ITGBL1: variants seen among roughly 807,000 people sequenced by gnomAD.
The protein encoded by ITGBL1 is integrin beta-like protein 1.
Under a neutral mutation model 68.5 loss-of-function variants are expected in ITGBL1, and 51 were observed. The ratio of observed to expected loss-of-function variants is 0.74; its 90% CI spans 0.59 to 0.94. The LOEUF is 0.94. ITGBL1 is among the 40% of genes least tolerant of loss of function. The probability of loss-of-function intolerance (pLI) is 0.00; values close to 1 mark genes in which losing one functional copy is unlikely to be tolerated. For missense variants in ITGBL1, 649 were observed against 647.4 expected (o/e 1.00, Z -0.03); for synonymous variants, 209 against 227.3 (o/e 0.92, Z 0.72).
intron 7 of ITGBL1, among the ~76,000 whole-genome samples, chr13:101,609,427 T>C (rs1268782567): frequency 1.3e-5 from 2 of 152,220 alleles, no homozygotes; most frequent in East Asian, 3.9e-4. Context: ...TTAAATCCAG[T>C]ATTAAATCTC....
chr13:101,604,887 T>TATATATATATACACACACAC, intron 7 of ITGBL1, among the ~76,000 whole-genome samples: 3 of 22,162 alleles, frequency 1.4e-4, no homozygotes, highest in Non-Finnish European at 1.6e-4. Context: ...TATATATATA[T>TATATATATATACACACACAC]ACACACACAC....
chr13:101,534,215 T>C (rs988293705), intron 2 of ITGBL1, among the ~76,000 whole-genome samples: 3 of 152,074 alleles, frequency 2.0e-5, no homozygotes, highest in Non-Finnish European at 1.5e-5. Flanking sequence ...GGGAGAACCA[T>C]TAATGGGTGG....
chr13:101,676,974 A>G (rs576272771), intron 7 of ITGBL1, among the ~76,000 whole-genome samples: 11 of 152,174 alleles, frequency 7.2e-5, no homozygotes, highest in African/African-American at 2.4e-4. Context: ...AAATATAAAA[A>G]TTAGCTGGGC....
At chr13:101,567,565 CCACTGCGATATA>C in intron 2 of ITGBL1, 122 bp from the exon 3 acceptor site, 1 of 671,866 alleles carries the variant, frequency 1.5e-6, no homozygotes, top group Non-Finnish European at 2.4e-6. Flanking sequence ...TACCCCTCAG[CCACTGCGATATA>C]CATGAGTTTC....
chr13:101,521,131 C>G (rs2049277486), intron 2 of ITGBL1, among the ~76,000 whole-genome samples: 2 of 152,140 alleles, frequency 1.3e-5, no homozygotes, highest in African/African-American at 4.8e-5. Context: ...AAGAACAGAA[C>G]TTTGCTAATG....
chr13:101,648,961 CATG>C (rs10541983), intron 7 of ITGBL1, among the ~76,000 whole-genome samples: 4,976 of 151,978 alleles, frequency 0.033, 296 homozygotes, highest in African/African-American at 0.11. Flanking sequence ...TCTGTATATG[CATG>C]ATAAGTGATA....
rs757763025 is a variant in ITGBL1 at position 101,579,432 on chromosome 13, G to A, written c.727+5G>A. The A allele has an allele frequency of 2.5e-6, 4 of 1,613,290 alleles. No individual in the cohort carries two copies. In the African/African-American group the frequency reaches 5.3e-5, roughly 22 times the overall value. ...GCAAAATCTGCAGTAACAGAGGTGT[G>A]TCATTCATACATGTTACTACATAAT... On this transcript the variant is annotated splice_donor_5th_base_variant and intron_variant, in intron 5 of 10. Coordinates refer to ENST00000376180, the MANE Select transcript of ITGBL1 (RefSeq NM_004791.3).
chr13:101,664,860 A>G (rs971433375), intron 7 of ITGBL1, among the ~76,000 whole-genome samples: 1 of 152,146 alleles, frequency 6.6e-6, no homozygotes, highest in Admixed American at 6.6e-5. Context: ...CAGCCTCCCC[A>G]GTAGCTGGGA....
intron 7 of ITGBL1, among the ~76,000 whole-genome samples, chr13:101,646,808 G>T (rs1469849): frequency 0.62 from 94,192 of 151,990 alleles, 29,937 homozygotes; most frequent in African/African-American, 0.76. Flanking sequence ...TCAAAGGACA[G>T]TGAAAGACAT....
chr13:101,504,666 G>A (rs1388931294), intron 2 of ITGBL1, among the ~76,000 whole-genome samples: 3 of 152,130 alleles, frequency 2.0e-5, no homozygotes, highest in African/African-American at 4.8e-5. Flanking sequence ...AGTCAGAAAC[G>A]TTGCATGAGT....
chr13:101,700,921 G>A (rs1246364629), intron 8 of ITGBL1, among the ~76,000 whole-genome samples: 2 of 151,968 alleles, frequency 1.3e-5, no homozygotes, highest in East Asian at 3.9e-4. Flanking sequence ...TTTTCTTTTT[G>A]TCTTCTATTA....
chr13:101,546,665 A>G (rs2049830168), intron 2 of ITGBL1, among the ~76,000 whole-genome samples: 1 of 152,082 alleles, frequency 6.6e-6, no homozygotes, highest in Non-Finnish European at 1.5e-5. Flanking sequence ...TGGTAAATAT[A>G]TTAAGAATGA....
chr13:101,621,680 A>G (rs1038785658), intron 7 of ITGBL1, among the ~76,000 whole-genome samples: 1 of 152,120 alleles, frequency 6.6e-6, no homozygotes, highest in Non-Finnish European at 1.5e-5. Context: ...TTCAGTCTTA[A>G]TGCATTGAAA....
At chr13:101,476,520 T>C (rs1397845049) in intron 2 of ITGBL1, among the ~76,000 whole-genome samples, 1 of 151,938 alleles carries the variant, frequency 6.6e-6, no homozygotes, top group African/African-American at 2.4e-5. Flanking sequence ...TGGACTAAAC[T>C]CTCTAATCAA....
intron 7 of ITGBL1, among the ~76,000 whole-genome samples, chr13:101,616,666 T>C (rs2031375154): frequency 6.6e-6 from 1 of 152,104 alleles, no homozygotes; most frequent in Non-Finnish European, 1.5e-5. Context: ...AATTTTTGTA[T>C]TTTTAGTAGA....
At chr13:101,528,386 A>G (rs1566716871) in intron 2 of ITGBL1, among the ~76,000 whole-genome samples, 1 of 151,600 alleles carries the variant, frequency 6.6e-6, no homozygotes, top group Non-Finnish European at 1.5e-5. Context: ...GTTTGTGTAC[A>G]TTGTTGTTTA....
intron 2 of ITGBL1, among the ~76,000 whole-genome samples, chr13:101,559,424 C>T (rs1225654603): frequency 6.6e-6 from 1 of 152,156 alleles, no homozygotes; most frequent in African/African-American, 2.4e-5. Context: ...TGAATTATTT[C>T]ATGTAGTTTT....
chr13:101,633,532 CA>C, intron 7 of ITGBL1, among the ~76,000 whole-genome samples: 1 of 152,040 alleles, frequency 6.6e-6, no homozygotes, highest in Non-Finnish European at 1.5e-5. Flanking sequence ...AGTTGTCAGC[CA>C]AAAAAACCAA....
intron 9 of ITGBL1, among the ~76,000 whole-genome samples, chr13:101,710,277 G>T (rs980715707): frequency 2.0e-5 from 3 of 152,202 alleles, no homozygotes; most frequent in African/African-American, 7.2e-5. Flanking sequence ...CCTCCGGACT[G>T]TTGGCAGCAG....
Sources: gnomAD v4.1 joint callset for allele counts (sites outside exome capture counted in the v4.1 genomes callset) on GRCh38, gnomAD v4.1.1 for gene constraint, MANE v1.5 for transcripts, NCBI Gene and HGNC (gene_info 2026-07-23, HGNC 2026-07-21) for gene names.